Variants in DNAH6 observed in about 807,000 individuals in gnomAD.
DNAH6 encodes axonemal beta dynein heavy chain 6.
Under a neutral mutation model 491.4 loss-of-function variants are expected in DNAH6, and 340 were observed. The ratio of observed to expected loss-of-function variants is 0.69; its 90% CI spans 0.63 to 0.76. The LOEUF is 0.76. Among genes scored for constraint, DNAH6 ranks in the 30% least tolerant of loss-of-function variants. The probability of loss-of-function intolerance (pLI) is 0.00; values close to 1 mark genes in which losing one functional copy is unlikely to be tolerated. For synonymous variants in DNAH6, 1,603 were observed against 1,686.1 expected (o/e 0.95, Z 1.21); for missense variants, 4,443 against 4,972.2 (o/e 0.89, Z 3.20).
chr2:84,554,341 A>G (rs1399886201), intron 10 of DNAH6, among the ~76,000 whole-genome samples: 1 of 152,132 alleles, frequency 6.6e-6, no homozygotes, highest in Non-Finnish European at 1.5e-5. Flanking sequence ...ATTCCCACCC[A>G]TACTCAAGAG....
chr2:84,572,939 T>C (rs1422363385), intron 11 of DNAH6, among the ~76,000 whole-genome samples: 1 of 152,230 alleles, frequency 6.6e-6, no homozygotes, highest in African/African-American at 2.4e-5. Flanking sequence ...TGGGGAAATA[T>C]GGGTTAGAAC....
chr2:84,756,667 C>T (rs772498244), intron 63 of DNAH6, among the ~76,000 whole-genome samples: 1 of 152,196 alleles, frequency 6.6e-6, no homozygotes, highest in Non-Finnish European at 1.5e-5. Flanking sequence ...AAAGAAAACA[C>T]AGAACCATGC....
chr2:84,662,627 A>G (rs1426466981), intron 37 of DNAH6, among the ~76,000 whole-genome samples: 2 of 152,222 alleles, frequency 1.3e-5, no homozygotes, highest in East Asian at 1.9e-4. Flanking sequence ...GGTGGAGCCC[A>G]CCACAGCTCA....
At chr2:84,810,269 A>T (rs552664044) in intron 72 of DNAH6, among the ~76,000 whole-genome samples, 1 of 152,278 alleles carries the variant, frequency 6.6e-6, no homozygotes, top group South Asian at 2.1e-4. Context: ...AACAAGGGAG[A>T]TGTTACACTC....
rs531581389 is a variant in DNAH6 at position 84,710,380 on chromosome 2, A to T, written c.9346A>T (p.Ile3116Phe). The part of the protein sequence containing the change: ...SNFLRILENS[I>F]RLGLPVLLEE... ...TTTCTTACGAATACTCGAGAATTCA[A>T]TCCGACTTGGTTTACCTGTCTTACT... Residue 3116 changes from isoleucine to phenylalanine, a missense_variant, in exon 56 of 77, where the codon ATC becomes TTC. By Grantham distance (21) the Ile-to-Phe change is conservative (BLOSUM62 0). This residue lies in a region of DNAH6 where 1,463 missense variants were observed against 1,656.6 expected (regional missense o/e 0.88). Transcript: ENST00000389394. 6.4e-7 allele frequency: 1 copy of T among 1,551,852 alleles called. No homozygotes were observed. The highest frequency in any genetic ancestry group is 1.2e-5 in the South Asian group (1 of 84,044).
upstream of DNAH6, chr2:84,516,431 C>T (rs1384053711): frequency 1.3e-5 from 2 of 152,202 alleles, no homozygotes; most frequent in East Asian, 1.9e-4. Context: ...CGTTGCCTGG[C>T]GACGTGTTAC....
chr2:84,511,047 T>C, the DNAH6 span, among the ~76,000 whole-genome samples: 2 of 152,154 alleles, frequency 1.3e-5, no homozygotes, highest in East Asian at 3.9e-4. Context: ...AGGCAGTCTG[T>C]CCATTGTCAG....
chr2:84,473,375 A>G, the DNAH6 span, among the ~76,000 whole-genome samples: 11,971 of 152,224 alleles, frequency 0.079, 1,099 homozygotes, highest in African/African-American at 0.22. Flanking sequence ...TGAACGTTTT[A>G]GTCGTATTGA....
At chr2:84,753,520 G>T (rs1180488996) in intron 63 of DNAH6, among the ~76,000 whole-genome samples, 1 of 151,796 alleles carries the variant, frequency 6.6e-6, no homozygotes, top group African/African-American at 2.4e-5. Context: ...CACTTTGGGA[G>T]GCCAAGGCAG....
the DNAH6 span, among the ~76,000 whole-genome samples, chr2:84,488,378 AAAAAAATT>A: frequency 0.25 from 36,508 of 145,586 alleles, 5,674 homozygotes; most frequent in Non-Finnish European, 0.35. Context: ...AAGTATAATA[AAAAAAATT>A]AAAAAATAAA....
At chr2:84,475,040 G>A in the DNAH6 span, among the ~76,000 whole-genome samples, 28 of 152,174 alleles carry the variant, frequency 1.8e-4, no homozygotes, top group Non-Finnish European at 4.1e-4. Context: ...GGCAGACCAC[G>A]GAGTTGAGGA....
At chr2:84,666,175 C>T (rs1692105571) in intron 37 of DNAH6, among the ~76,000 whole-genome samples, 1 of 152,104 alleles carries the variant, frequency 6.6e-6, no homozygotes, top group African/African-American at 2.4e-5. Flanking sequence ...GGAAGCATTC[C>T]CTTTGAAAAC....
At chr2:84,510,152 T>G in the DNAH6 span, among the ~76,000 whole-genome samples, 2 of 152,252 alleles carry the variant, frequency 1.3e-5, no homozygotes, top group Admixed American at 1.3e-4. Context: ...TTTTCCTGGA[T>G]AATATCCTGC....
chr2:84,577,209 A>C (rs373380230), intron 12 of DNAH6, 48 bp from the exon 13 acceptor site: 248 of 1,188,676 alleles, frequency 2.1e-4, no homozygotes, highest in Non-Finnish European at 2.6e-4. Flanking sequence ...TGATCTTTTA[A>C]AATCCAATAT....
At chr2:84,819,085 A>AAAAG (rs112712194) in intron 76 of DNAH6, among the ~76,000 whole-genome samples, 2 of 152,006 alleles carry the variant, frequency 1.3e-5, no homozygotes, top group African/African-American at 2.4e-5. Context: ...GAAAAAAAAA[A>AAAAG]TTCTATGAAG....
Position 84,727,763 on chromosome 2 carries a change from TC to T in DNAH6, c.10068del (p.Asn3357MetfsTer22). 1 of 1,551,408 alleles carries T rather than the reference TC, an allele frequency of 6.4e-7. No individual in the cohort carries two copies. The highest frequency in any genetic ancestry group is 8.7e-7 in the Non-Finnish European group (1 of 1,146,642). The stretch of plus-strand genomic sequence containing the variant: ...GAACAAACTCTCCTAACTGCTTATG[TC>T]AATGTTTCAAGAGGACTTTTTGAGC... ...LLEQTLLTAYVNVSRGLFEQH... is the reference protein window; with the variant it reads ...LLEQTLLTAYXNVSRGLFEQH... On this transcript the variant is annotated frameshift_variant, in exon 61 of 77. Coordinates refer to ENST00000389394, the MANE Select transcript of DNAH6 (RefSeq NM_001370.2). LOFTEE classifies it high-confidence loss of function.
the DNAH6 span, among the ~76,000 whole-genome samples, chr2:84,500,597 A>G: frequency 7.9e-5 from 12 of 152,198 alleles, no homozygotes; most frequent in African/African-American, 2.9e-4. Flanking sequence ...TAGGGATTCC[A>G]TTGAAACTGT....
intron 68 of DNAH6, among the ~76,000 whole-genome samples, chr2:84,795,929 T>C (rs1409121799): frequency 6.6e-6 from 1 of 152,212 alleles, no homozygotes; most frequent in African/African-American, 2.4e-5. Flanking sequence ...ACTCATTGTC[T>C]CCGAAAGAAG....
chr2:84,720,316 T>C (rs569071993), intron 59 of DNAH6, among the ~76,000 whole-genome samples: 2 of 125,592 alleles, frequency 1.6e-5, no homozygotes, highest in East Asian at 2.6e-4. Context: ...TCTCGCTCTG[T>C]CGCCCAGGCT....
Sources: gnomAD v4.1 joint callset for allele counts (sites outside exome capture counted in the v4.1 genomes callset) on GRCh38, gnomAD v4.1.1 for gene constraint, gnomAD v4.1.1 regional missense constraint, MANE v1.5 for transcripts, NCBI Gene and HGNC (gene_info 2026-07-23, HGNC 2026-07-21) for gene names.